CADM2: variants seen among roughly 807,000 people sequenced by gnomAD.
CADM2 encodes the protein immunoglobulin superfamily member 4D.
Under a neutral mutation model 49.8 loss-of-function variants are expected in CADM2, and 12 were observed. The ratio of observed to expected loss-of-function variants is 0.24; its 90% CI spans 0.15 to 0.39. The LOEUF (loss-of-function observed/expected upper bound fraction) is 0.39. Ranked by LOEUF, CADM2 falls within the 10% of genes least tolerant of loss-of-function variation. The pLI is 1.00. For missense variants in CADM2, 378 were observed against 492.3 expected (o/e 0.77, Z 2.20); for synonymous variants, 214 against 175.4 (o/e 1.22, Z -1.74).
rs113377975 is a variant in CADM2 at position 85,149,417 on chromosome 3, G to A, written c.61+189749G>A. Among the ~76,000 whole-genome samples, 303 of 152,188 alleles carry A rather than the reference G, an allele frequency of 2.0e-3. 1 individual carries two copies. The highest frequency in any genetic ancestry group is 7.0e-3 in the African/African-American group (289 of 41,528). ...TTTATAGCAGCAAAAATGGACTAAA[G>A]CAAAGACATATACAAATTAATAAAT... On this transcript the variant is annotated intron_variant, in intron 1 of 9. Transcript: ENST00000383699.
At chr3:85,763,261 G>C (rs1229276558) in intron 2 of CADM2, among the ~76,000 whole-genome samples, 1 of 152,160 alleles carries the variant, frequency 6.6e-6, no homozygotes, top group Non-Finnish European at 1.5e-5. Flanking sequence ...TTCCAACTAT[G>C]ATTATTTGGT....
intron 1 of CADM2, among the ~76,000 whole-genome samples, chr3:85,550,754 G>T (rs2061782001): frequency 6.6e-6 from 1 of 152,040 alleles, no homozygotes. Context: ...GATCTAAAAT[G>T]CTTGGTTTTC....
chr3:85,959,079 G>C (rs570206374), intron 7 of CADM2, among the ~76,000 whole-genome samples: 2 of 126,390 alleles, frequency 1.6e-5, no homozygotes. Flanking sequence ...TATCTATATA[G>C]CTATATCTAT....
At chr3:85,802,008 A>T (rs2072075436) in intron 2 of CADM2, 39 bp from the exon 3 acceptor site, 1 of 1,537,478 alleles carries the variant, frequency 6.5e-7, no homozygotes, top group South Asian at 1.2e-5. Context: ...TCATTTTATG[A>T]CTTTCATTTA....
At chr3:85,564,199 C>CTCTCT (rs1215002052) in intron 1 of CADM2, among the ~76,000 whole-genome samples, 1 of 142,392 alleles carries the variant, frequency 7.0e-6, no homozygotes, top group South Asian at 2.2e-4. Context: ...CTCTCTCTCT[C>CTCTCT]CATTTTAAAA....
intron 1 of CADM2, among the ~76,000 whole-genome samples, chr3:85,464,644 G>T (rs1347698477): frequency 6.6e-6 from 1 of 152,084 alleles, no homozygotes; most frequent in Non-Finnish European, 1.5e-5. Flanking sequence ...TAAAGGCATA[G>T]TTTATATGAA....
chr3:85,856,755 T>C lies in CADM2; in HGVS notation c.239-26536T>C, dbSNP rs138838541. ...AAATACAAAATGAAGAATTATCCCA[T>C]TGTGCTTGTCTATATAAGTATAGTA... On this transcript the variant is annotated intron_variant, in intron 3 of 9. Transcript: ENST00000383699. 2.0e-3 allele frequency among the ~76,000 whole-genome samples: 300 copies of C among 152,324 alleles called. 1 individual carries two copies. The highest frequency in any genetic ancestry group is 6.8e-3 in the African/African-American group (281 of 41,564).
intron 2 of CADM2, among the ~76,000 whole-genome samples, chr3:85,779,134 G>A (rs1263580863): frequency 6.6e-6 from 1 of 151,870 alleles, no homozygotes; most frequent in Non-Finnish European, 1.5e-5. Context: ...GTATTTTAGG[G>A]CCATGAGTCT....
chr3:85,019,310 C>G (rs754873221), intron 1 of CADM2, among the ~76,000 whole-genome samples: 1 of 151,976 alleles, frequency 6.6e-6, no homozygotes, highest in African/African-American at 2.4e-5. Flanking sequence ...TGGTGAGACC[C>G]CATCTCTACC....
At chr3:85,637,802 C>T (rs2064562685) in intron 1 of CADM2, among the ~76,000 whole-genome samples, 1 of 151,956 alleles carries the variant, frequency 6.6e-6, no homozygotes, top group Non-Finnish European at 1.5e-5. Context: ...ATGTCCCTAC[C>T]ATTCAAGACT....
chr3:85,820,229 A>C (rs1013175230), intron 3 of CADM2, among the ~76,000 whole-genome samples: 2 of 152,170 alleles, frequency 1.3e-5, no homozygotes, highest in Non-Finnish European at 2.9e-5. Context: ...CAGCCATAGA[A>C]TAATTCTGAA....
At chr3:84,993,769 C>T (rs1236085922) in intron 1 of CADM2, among the ~76,000 whole-genome samples, 1 of 152,120 alleles carries the variant, frequency 6.6e-6, no homozygotes, top group Non-Finnish European at 1.5e-5. Context: ...GGGTGCAGAA[C>T]AGAGAATGCA....
chr3:85,169,662 C>G (rs2040567379), intron 1 of CADM2, among the ~76,000 whole-genome samples: 2 of 152,038 alleles, frequency 1.3e-5, no homozygotes, highest in Admixed American at 6.6e-5. Context: ...ATCCCAGCTA[C>G]CCAGGAGGCT....
intron 1 of CADM2, among the ~76,000 whole-genome samples, chr3:85,296,362 A>T (rs1197616100): frequency 6.6e-6 from 1 of 152,090 alleles, no homozygotes; most frequent in Non-Finnish European, 1.5e-5. Context: ...TATTTTTTAG[A>T]GTTCTAAAGA....
In CADM2 at chr3:85,682,486, G is replaced by A. The variant is rs2066067472; in HGVS notation, c.62-44036G>A. ...AAGCTAGTTTCAGATTATCTGTTGA[G>A]CATTAAAAGAAGCTAGTTTCAGTGG... On this transcript the variant is annotated intron_variant, in intron 1 of 9. Transcript: ENST00000383699. Among the ~76,000 whole-genome samples, 10 of 152,128 alleles carry A rather than the reference G, an allele frequency of 6.6e-5. No homozygotes were observed. In the South Asian group the frequency reaches 1.9e-3, roughly 28 times the overall value.
chr3:84,980,763 G>A (rs1175109555), intron 1 of CADM2, among the ~76,000 whole-genome samples: 1 of 152,084 alleles, frequency 6.6e-6, no homozygotes, highest in Admixed American at 6.6e-5. Context: ...TGAGAATTGT[G>A]ATATCCAGTT....
chr3:85,381,093 G>A lies in CADM2; in HGVS notation c.62-345429G>A, dbSNP rs546825209. ...CCACTTATACCCATGTATTTTATCCGATATATGAAGATAGGATATGTGTGT... is the reference window on the plus strand; with the variant it reads ...CCACTTATACCCATGTATTTTATCCAATATATGAAGATAGGATATGTGTGT... On this transcript the variant is annotated intron_variant, in intron 1 of 9. Coordinates refer to ENST00000383699, the MANE Select transcript of CADM2 (RefSeq NM_001167675.2). Among the ~76,000 whole-genome samples, 12 of 152,048 alleles carry A rather than the reference G, an allele frequency of 7.9e-5. No individual in the cohort carries two copies. The South Asian group carries it at 2.1e-3, about 26-fold the overall frequency.
At chr3:85,192,699 G>T (rs893596046) in intron 1 of CADM2, among the ~76,000 whole-genome samples, 1 of 151,788 alleles carries the variant, frequency 6.6e-6, no homozygotes, top group African/African-American at 2.4e-5. Context: ...AGATTTGTGC[G>T]GGAGGTGGGA....
intron 8 of CADM2, among the ~76,000 whole-genome samples, chr3:85,968,395 T>G (rs1725719359): frequency 6.6e-6 from 1 of 151,370 alleles, no homozygotes; most frequent in African/African-American, 2.4e-5. Context: ...AGTTAAGGCT[T>G]AATTATATGT....
Sources: gnomAD v4.1 joint callset for allele counts (sites outside exome capture counted in the v4.1 genomes callset) on GRCh38, gnomAD v4.1.1 for gene constraint, MANE v1.5 for transcripts, NCBI Gene and HGNC (gene_info 2026-07-23, HGNC 2026-07-21) for gene names.